Variants in CCDC178 observed in about 807,000 individuals in gnomAD.
CCDC178 encodes the protein coiled-coil domain-containing protein 178.
A neutral mutation model predicts 117.4 loss-of-function variants in CCDC178; 126 were observed. The ratio of observed to expected loss-of-function variants is 1.07; its 90% CI spans 0.93 to 1.24. The LOEUF is 1.24. Ranked by LOEUF, CCDC178 falls within the 50% of genes most tolerant of loss-of-function variation. The pLI is 0.00. For missense variants in CCDC178, 1,030 were observed against 986.9 expected (o/e 1.04, Z -0.59); for synonymous variants, 283 against 313.4 (o/e 0.90, Z 1.02).
intron 20 of CCDC178, among the ~76,000 whole-genome samples, chr18:33,127,203 G>T (rs1266803960): frequency 2.6e-5 from 4 of 151,450 alleles, no homozygotes; most frequent in African/African-American, 4.9e-5. Context: ...TAAACTTTCT[G>T]ATATTTATTC....
intron 20 of CCDC178, among the ~76,000 whole-genome samples, chr18:33,204,375 C>T (rs1011415736): frequency 6.6e-6 from 1 of 151,958 alleles, no homozygotes; most frequent in Non-Finnish European, 1.5e-5. Flanking sequence ...TTTCTCTCAA[C>T]CAAACAAAAT....
intron 11 of CCDC178, among the ~76,000 whole-genome samples, chr18:33,303,184 T>C (rs905782350): frequency 7.2e-5 from 11 of 152,054 alleles, no homozygotes; most frequent in African/African-American, 2.7e-4. Flanking sequence ...TATCAAGCCA[T>C]GGAAAGACAA....
chr18:33,138,330 A>T (rs1015599937), intron 20 of CCDC178, among the ~76,000 whole-genome samples: 5 of 152,186 alleles, frequency 3.3e-5, no homozygotes, highest in Admixed American at 3.3e-4. Context: ...AGAAAAGGGC[A>T]TCTCCACCTC....
intron 20 of CCDC178, among the ~76,000 whole-genome samples, chr18:33,139,460 G>A (rs1167586402): frequency 2.6e-5 from 4 of 152,188 alleles, no homozygotes; most frequent in Non-Finnish European, 5.9e-5. Flanking sequence ...TGCTGATAGT[G>A]ATATGAACAA....
intron 22 of CCDC178, among the ~76,000 whole-genome samples, chr18:32,968,569 G>T (rs939714722): frequency 6.6e-6 from 1 of 151,816 alleles, no homozygotes; most frequent in African/African-American, 2.4e-5. Context: ...ATTTTTTGAG[G>T]AATCTCCATA....
intron 17 of CCDC178, 137 bp from the exon 18 acceptor site, chr18:33,223,356 T>C (rs2059262351): frequency 9.8e-7 from 1 of 1,019,312 alleles, no homozygotes. Context: ...CCATCACACA[T>C]AAATTACAGA....
At chr18:33,291,959 G>C (rs990234361) in intron 12 of CCDC178, among the ~76,000 whole-genome samples, 2 of 151,136 alleles carry the variant, frequency 1.3e-5, no homozygotes, top group Admixed American at 1.3e-4. Flanking sequence ...AAACGTTGTT[G>C]TTGGGACTAT....
chr18:33,111,409 A>G (rs1263955767), intron 20 of CCDC178, among the ~76,000 whole-genome samples: 1 of 151,636 alleles, frequency 6.6e-6, no homozygotes, highest in Admixed American at 6.6e-5. Context: ...AAAATATCAT[A>G]AATTGGTTTT....
At chr18:33,270,651 A>C (rs963504137) in intron 12 of CCDC178, among the ~76,000 whole-genome samples, 4 of 151,648 alleles carry the variant, frequency 2.6e-5, no homozygotes, top group African/African-American at 9.7e-5. Flanking sequence ...ATAACTTAAA[A>C]ACAATAGAGA....
intron 20 of CCDC178, among the ~76,000 whole-genome samples, chr18:33,191,411 C>T (rs1443128250): frequency 1.3e-5 from 2 of 152,004 alleles, no homozygotes; most frequent in Non-Finnish European, 2.9e-5. Flanking sequence ...TTTATGATAA[C>T]TACTTTATTT....
intron 12 of CCDC178, among the ~76,000 whole-genome samples, chr18:33,283,511 A>G (rs1216355059): frequency 1.3e-5 from 2 of 152,216 alleles, no homozygotes; most frequent in Admixed American, 1.3e-4. Context: ...TTTGCAAATT[A>G]TGCAGCTAAC....
intron 20 of CCDC178, among the ~76,000 whole-genome samples, chr18:33,111,778 A>ATGG (rs1490840531): frequency 6.6e-6 from 1 of 151,734 alleles, no homozygotes; most frequent in African/African-American, 2.4e-5. Flanking sequence ...TCTGCCTAAC[A>ATGG]TGGTGATTAT....
chr18:33,151,309 G>A (rs572697577), intron 20 of CCDC178, among the ~76,000 whole-genome samples: 6 of 152,056 alleles, frequency 3.9e-5, no homozygotes, highest in African/African-American at 9.6e-5. Flanking sequence ...GTGTGGTGGC[G>A]AGCACCTGAA....
At chr18:33,348,541 C>T (rs568712930) in intron 8 of CCDC178, among the ~76,000 whole-genome samples, 86 of 151,894 alleles carry the variant, frequency 5.7e-4, no homozygotes, top group Non-Finnish European at 1.1e-3. Flanking sequence ...AAAGGTTCAA[C>T]AGCTGTACGT....
intron 14 of CCDC178, among the ~76,000 whole-genome samples, chr18:33,248,894 G>T (rs531094247): frequency 3.7e-4 from 57 of 152,154 alleles, no homozygotes; most frequent in African/African-American, 1.3e-3. Flanking sequence ...CAGTGTAAAA[G>T]TGTTCCTATT....
At chr18:33,265,657 A>T (rs2059803347) in intron 14 of CCDC178, among the ~76,000 whole-genome samples, 1 of 152,020 alleles carries the variant, frequency 6.6e-6, no homozygotes, top group Admixed American at 6.6e-5. Flanking sequence ...GTAGAAGCAG[A>T]TGTGCCTATT....
chr18:33,028,181 G>T (rs2056265404), intron 21 of CCDC178, among the ~76,000 whole-genome samples: 1 of 151,558 alleles, frequency 6.6e-6, no homozygotes, highest in Non-Finnish European at 1.5e-5. Flanking sequence ...AGTAGAGAAA[G>T]ACAACAAAAC....
At chr18:33,233,089 T>C (rs369793877) in intron 15 of CCDC178, among the ~76,000 whole-genome samples, 38 of 152,308 alleles carry the variant, frequency 2.5e-4, no homozygotes, top group Non-Finnish European at 4.4e-4. Context: ...TAAACAATTA[T>C]TGTTGACCTC....
In CCDC178 at chr18:33,006,411, C is replaced by T. The variant is rs138495567; in HGVS notation, c.2389-31730G>A. Among the ~76,000 whole-genome samples the T allele has an allele frequency of 4.0e-3, 611 of 152,128 alleles. 3 individuals are homozygous for T. Among genetic ancestry groups the T allele is most frequent in the Middle Eastern group, 0.014 (4 of 294 alleles). Reference sequence around the variant, plus strand: ...TGATAATTTTTTTTCTAAATTTAAACTTAAAGTTACTATTTGCATAGTGTT... The same window carrying T: ...TGATAATTTTTTTTCTAAATTTAAATTTAAAGTTACTATTTGCATAGTGTT... On this transcript the variant is annotated intron_variant, in intron 21 of 22. Coordinates refer to ENST00000383096, the MANE Select transcript of CCDC178 (RefSeq NM_001105528.4).
Sources: gnomAD v4.1 joint callset for allele counts (sites outside exome capture counted in the v4.1 genomes callset) on GRCh38, gnomAD v4.1.1 for gene constraint, MANE v1.5 for transcripts, NCBI Gene and HGNC (gene_info 2026-07-23, HGNC 2026-07-21) for gene names.